The following HTR7 variants were observed in gnomAD, a reference collection of about 807,000 sequenced individuals.
The protein encoded by HTR7 is 5-HT-7.
A neutral mutation model predicts 34.0 loss-of-function variants in HTR7; 16 were observed. That is an observed-to-expected ratio of 0.47 (90% CI 0.32 to 0.71). The LOEUF is 0.71. Ranked by LOEUF, HTR7 falls within the 30% of genes least tolerant of loss-of-function variation. The pLI, the probability that HTR7 is intolerant of heterozygous loss-of-function variation, is 0.04. For synonymous variants in HTR7, 265 were observed against 260.2 expected, an observed-to-expected ratio of 1.02 and a Z score of -0.18; for missense variants, 504 against 625.5, an observed-to-expected ratio of 0.81 and a Z score of 2.07.
chr10:90,819,788 G>A (rs555758718), intron 1 of HTR7, among the ~76,000 whole-genome samples: 63 of 151,950 alleles, frequency 4.1e-4, no homozygotes, highest in Non-Finnish European at 3.2e-4. Context: ...CTAGCTTTGA[G>A]GAAGGGTGGA....
rs1844564767 is a variant in HTR7 at position 90,742,325 on chromosome 10, C to T, written c.*157G>A. On this transcript the variant is annotated 3_prime_UTR_variant, in exon 4 of 4. Coordinates refer to ENST00000336152, the MANE Select transcript of HTR7 (RefSeq NM_019859.4). Reference sequence around the variant, plus strand: ...AAAAAGGAGAAGTCACCATCTCCCTCATAAGATAGTGTGTACAACAGATCA... The same window carrying T: ...AAAAAGGAGAAGTCACCATCTCCCTTATAAGATAGTGTGTACAACAGATCA... 4 of 553,710 alleles carry T rather than the reference C, an allele frequency of 7.2e-6. No homozygotes were observed. The highest frequency in any genetic ancestry group is 1.3e-5 in the Non-Finnish European group (4 of 313,892). The allele number at this position is 553,710 out of a possible 1,614,324, so 34.3% of individuals were successfully genotyped here.
chr10:90,792,496 T>C (rs1373179238), intron 1 of HTR7, among the ~76,000 whole-genome samples: 1 of 152,106 alleles, frequency 6.6e-6, no homozygotes, highest in Non-Finnish European at 1.5e-5. Flanking sequence ...CTTTTAAATA[T>C]ATATATTTCA....
intron 1 of HTR7, among the ~76,000 whole-genome samples, chr10:90,821,357 T>C (rs897975470): frequency 1.3e-5 from 2 of 152,178 alleles, no homozygotes; most frequent in Admixed American, 1.3e-4. Context: ...TGTGGGACTT[T>C]GCATTGGAAC....
At chr10:90,754,508 T>G (rs1481733770) in intron 1 of HTR7, among the ~76,000 whole-genome samples, 1 of 152,198 alleles carries the variant, frequency 6.6e-6, no homozygotes. Context: ...AGGATGCTTA[T>G]AAAGCCTTCA....
chr10:90,841,534 C>A (rs1011031781), intron 1 of HTR7, among the ~76,000 whole-genome samples: 3 of 152,214 alleles, frequency 2.0e-5, no homozygotes, highest in Non-Finnish European at 4.4e-5. Context: ...GCTCATGGCC[C>A]CCTTCCATTC....
chr10:90,770,762 C>T (rs939779527), intron 1 of HTR7, among the ~76,000 whole-genome samples: 5 of 152,194 alleles, frequency 3.3e-5, no homozygotes, highest in Admixed American at 2.0e-4. Context: ...GCCCCTTGGC[C>T]CAAGCAGCCT....
At chr10:90,771,606 C>A (rs1263149034) in intron 1 of HTR7, among the ~76,000 whole-genome samples, 1 of 152,194 alleles carries the variant, frequency 6.6e-6, no homozygotes, top group African/African-American at 2.4e-5. Flanking sequence ...CCACAGCCTC[C>A]CAGAGAGCTG....
rs562172650 is a variant in HTR7 at position 90,768,873 on chromosome 10, A to G, written c.540-19279T>C. 2.9e-4 allele frequency among the ~76,000 whole-genome samples: 44 copies of G among 152,362 alleles called. 1 individual carries two copies. The East Asian group carries it at 8.5e-3, about 29-fold the overall frequency. On this transcript the variant is annotated intron_variant, in intron 1 of 3. Transcript: ENST00000336152. ...CTTCTTCCTCGGTAATGTGAACCCT[A>G]AAACTTAGTGGCTGTCAGTCCTTCA...
rs908604892 is a variant in HTR7, at chr10:90,743,777, T to C, written c.1296-87A>G. ...AATCCTTGATTATATTTCATTATCA[T>C]ATTTGGTTTTATATTACCAATCTGT... On this transcript the variant is annotated intron_variant, in intron 2 of 3. Coordinates refer to ENST00000336152, the MANE Select transcript of HTR7 (RefSeq NM_019859.4). The C allele has an allele frequency of 5.8e-6, 6 of 1,038,080 alleles. No homozygotes were observed. The Admixed American group carries it at 9.1e-5, about 16-fold the overall frequency. 64.3% of individuals were successfully genotyped at this position (1,038,080 alleles called of 1,614,324 possible).
At chr10:90,805,998 T>C (rs1286523733) in intron 1 of HTR7, among the ~76,000 whole-genome samples, 1 of 152,194 alleles carries the variant, frequency 6.6e-6, no homozygotes, top group African/African-American at 2.4e-5. Flanking sequence ...TTAGGGTTAC[T>C]TAGTTAGAAT....
chr10:90,777,069 CTCTG>C (rs1564678337), intron 1 of HTR7, among the ~76,000 whole-genome samples: 1 of 152,102 alleles, frequency 6.6e-6, no homozygotes, highest in Non-Finnish European at 1.5e-5. Flanking sequence ...TAAGGTTTTC[CTCTG>C]AGGGTCAGCA....
At chr10:90,830,830 A>G (rs946863714) in intron 1 of HTR7, among the ~76,000 whole-genome samples, 1 of 150,580 alleles carries the variant, frequency 6.6e-6, no homozygotes, top group Non-Finnish European at 1.5e-5. Context: ...GCTTTGGCCC[A>G]GTTACGATGC....
chr10:90,789,998 T>C (rs1845440461), intron 1 of HTR7, among the ~76,000 whole-genome samples: 1 of 152,182 alleles, frequency 6.6e-6, no homozygotes, highest in African/African-American at 2.4e-5. Context: ...AGAAAATATC[T>C]ACTTAGTGCA....
At chr10:90,842,408 G>A (rs1422135472) in intron 1 of HTR7, among the ~76,000 whole-genome samples, 1 of 152,090 alleles carries the variant, frequency 6.6e-6, no homozygotes, top group Non-Finnish European at 1.5e-5. Context: ...AGCATGAAGG[G>A]GTAAGACAGA....
rs560218001 is a variant in HTR7, at chr10:90,749,566, A to G, written c.568T>C (p.Tyr190His). ...CATTTCCCATTCTGCCTCACAGGGT[A>G]TGTGAGGGGCCTTGTGATCCCAAGG... ...RYLGITRPLT[Y>H]PVRQNGKCMA... Residue 190 changes from tyrosine (Y) to histidine (H), a missense_variant, in exon 2 of 4, where the codon TAC becomes CAC. By Grantham distance (83) the Tyr-to-His change is moderately conservative. Coordinates refer to ENST00000336152, the MANE Select transcript of HTR7 (RefSeq NM_019859.4). This position sits in a 1 kb window ranked among gnomAD's most constrained non-coding sequence, Gnocchi z 4.2. 14 of 1,612,882 alleles carry G rather than the reference A, an allele frequency of 8.7e-6. No homozygotes were observed. In the East Asian group the frequency reaches 2.0e-4, roughly 23 times the overall value.
chr10:90,753,337 G>A (rs1279847895), intron 1 of HTR7, among the ~76,000 whole-genome samples: 1 of 152,114 alleles, frequency 6.6e-6, no homozygotes, highest in Non-Finnish European at 1.5e-5. Flanking sequence ...TTTCAGACCA[G>A]CCTGAGCAAC....
At chr10:90,852,083 G>T (rs763709083) in intron 1 of HTR7, among the ~76,000 whole-genome samples, 68 of 152,072 alleles carry the variant, frequency 4.5e-4, no homozygotes, top group Non-Finnish European at 7.5e-4. Context: ...GCTGGGCCGG[G>T]CATGATGGCT....
At chr10:90,775,694 A>G (rs1384522881) in intron 1 of HTR7, among the ~76,000 whole-genome samples, 1 of 152,232 alleles carries the variant, frequency 6.6e-6, no homozygotes, top group African/African-American at 2.4e-5. Flanking sequence ...TGTAGATAAC[A>G]GACTCTATAG....
intron 1 of HTR7, among the ~76,000 whole-genome samples, chr10:90,778,573 A>G (rs1845257668): frequency 6.6e-6 from 1 of 152,206 alleles, no homozygotes; most frequent in African/African-American, 2.4e-5. Flanking sequence ...GTATTATGTT[A>G]CAAACAACAG....
Sources: allele counts gnomAD v4.1 joint callset (sites outside exome capture counted in the v4.1 genomes callset), GRCh38; gene constraint gnomAD v4.1.1; non-coding constraint Gnocchi (gnomAD v3.1); transcripts MANE v1.5; gene names NCBI Gene and HGNC (gene_info 2026-07-23, HGNC 2026-07-21).